Variants in HDDC2 observed in about 807,000 individuals in gnomAD.
The protein encoded by HDDC2 is 5'-deoxynucleotidase HDDC2.
In HDDC2, 25 loss-of-function variants were observed where a neutral mutation model predicts 25.5. The observed-to-expected ratio is 0.98, with a 90% confidence interval of 0.72 to 1.37. HDDC2 has a LOEUF of 1.37. Ranked by LOEUF, HDDC2 falls within the 40% of genes most tolerant of loss-of-function variation. The pLI, the probability that HDDC2 is intolerant of heterozygous loss-of-function variation, is 0.00. For synonymous variants in HDDC2, 106 were observed against 89.7 expected (o/e 1.18, Z -1.03); for missense variants, 264 against 253.1 (o/e 1.04, Z -0.29).
rs1319854438 is a variant in HDDC2, at chr6:125,301,868, C to A, written c.65G>T (p.Arg22Leu). ...GCTCACCTTGAGCTGCCCTACCAGC[C>A]GCAGGAACTGCAGTAGGGACCGAGC... ...HGARSLLQFL[R>L]LVGQLKRVPR... is the part of the protein sequence containing the mutation. The change falls in exon 1 of 6, where the codon CGG becomes CTG. Residue 22 changes from arginine (R) to leucine (L), a missense_variant. By Grantham distance (102) the Arg-to-Leu change is moderately radical (BLOSUM62 -2). Coordinates refer to ENST00000398153, the MANE Select transcript of HDDC2 (RefSeq NM_016063.3). The A allele has an allele frequency of 1.9e-5, 30 of 1,548,060 alleles. No individual in the cohort carries two copies. Among genetic ancestry groups the A allele is most frequent in the Non-Finnish European group, 2.4e-5 (28 of 1,148,018 alleles).
intron 2 of HDDC2, 130 bp from the exon 3 acceptor site, chr6:125,298,946 T>C: frequency 1.7e-6 from 1 of 584,880 alleles, no homozygotes; most frequent in Non-Finnish European, 2.9e-6. Context: ...TAATGTAGTA[T>C]TTTCTAAAGT....
At chr6:125,278,165 C>T (rs942383953) in intron 4 of HDDC2, 2 of 152,194 alleles carry the variant, frequency 1.3e-5, no homozygotes, top group African/African-American at 4.8e-5. Context: ...GTTTTTATTA[C>T]ACGCTTATTC....
At chr6:125,295,113 G>C (rs1166600687) in intron 3 of HDDC2, among the ~76,000 whole-genome samples, 1 of 152,182 alleles carries the variant, frequency 6.6e-6, no homozygotes, top group Non-Finnish European at 1.5e-5. Flanking sequence ...CTGAGGTCCA[G>C]GGTACACAGC....
At chr6:125,296,126 TAAA>T (rs563798273) in intron 3 of HDDC2, among the ~76,000 whole-genome samples, 78 of 150,178 alleles carry the variant, frequency 5.2e-4, no homozygotes, top group African/African-American at 1.9e-3. Flanking sequence ...AAAAAAAAAT[TAAA>T]AAAAAAGATA....
chr6:125,282,314 C>T (rs1037518334), intron 4 of HDDC2, among the ~76,000 whole-genome samples: 2 of 150,882 alleles, frequency 1.3e-5, no homozygotes, highest in African/African-American at 4.9e-5. Context: ...CCATTGCACT[C>T]CAGCCCAGGC....
At chr6:125,283,128 A>G (rs144389667) in intron 4 of HDDC2, among the ~76,000 whole-genome samples, 6,072 of 152,282 alleles carry the variant, frequency 0.04, 423 homozygotes, top group African/African-American at 0.14. Context: ...CTTCATGCTA[A>G]AGACTCTCAA....
chr6:125,276,280 T>C, intron 5 of HDDC2, 37 bp from the exon 6 acceptor site: 1 of 1,455,048 alleles, frequency 6.9e-7, no homozygotes, highest in South Asian at 1.1e-5. Context: ...TACATTCCCA[T>C]ATTGACAAGA....
intron 4 of HDDC2, among the ~76,000 whole-genome samples, chr6:125,281,390 T>C (rs1415059598): frequency 6.6e-6 from 1 of 152,118 alleles, no homozygotes; most frequent in African/African-American, 2.4e-5. Context: ...ATTCAGAAGG[T>C]GGGTAACAAC....
At chr6:125,281,817 A>T (rs1028757092) in intron 4 of HDDC2, among the ~76,000 whole-genome samples, 3 of 152,208 alleles carry the variant, frequency 2.0e-5, no homozygotes, top group Non-Finnish European at 4.4e-5. Flanking sequence ...CTAGCAAGAT[A>T]GGCCAGCATT....
intron 4 of HDDC2, among the ~76,000 whole-genome samples, chr6:125,290,714 C>A (rs1328142482): frequency 2.6e-5 from 4 of 152,236 alleles, no homozygotes; most frequent in Admixed American, 6.5e-5. Flanking sequence ...TAACCAAAAG[C>A]TAGAAAGAGG....
rs772700652 is a variant in HDDC2 at position 125,298,825 on chromosome 6, G to A, written c.207-9C>T. ...GGGCTAGGCGTACACATCTGATCAG[G>A]CAAGAAATGTCGAATAATTACACAG... is the stretch of plus-strand genomic sequence containing the variant. On this transcript the variant is annotated splice_polypyrimidine_tract_variant and intron_variant, in intron 2 of 5. Transcript: ENST00000398153. 1 of 1,593,886 alleles carries A rather than the reference G, an allele frequency of 6.3e-7. No homozygotes were observed. Among genetic ancestry groups the A allele is most frequent in the South Asian group, 1.1e-5 (1 of 90,674 alleles).
chr6:125,286,503 T>G (rs1265560884), intron 4 of HDDC2, among the ~76,000 whole-genome samples: 1 of 152,222 alleles, frequency 6.6e-6, no homozygotes, highest in Non-Finnish European at 1.5e-5. Context: ...GCATCTTCTC[T>G]GTACTACGTA....
intron 4 of HDDC2, among the ~76,000 whole-genome samples, chr6:125,288,392 G>T (rs1798576230): frequency 6.6e-6 from 1 of 152,188 alleles, no homozygotes; most frequent in African/African-American, 2.4e-5. Flanking sequence ...CCACGGCACA[G>T]AGTCTCTGAA....
intron 4 of HDDC2, among the ~76,000 whole-genome samples, chr6:125,288,112 A>G (rs1328523723): frequency 1.3e-5 from 2 of 152,216 alleles, no homozygotes; most frequent in East Asian, 3.9e-4. Flanking sequence ...GGGTTGGTGA[A>G]CATATTTGCA....
intron 4 of HDDC2, among the ~76,000 whole-genome samples, chr6:125,285,272 C>A (rs1415633895): frequency 6.6e-6 from 1 of 151,710 alleles, no homozygotes; most frequent in Non-Finnish European, 1.5e-5. Flanking sequence ...AGGTAACAAA[C>A]CTGCACGTTC....
chr6:125,296,353 T>C (rs1798705914), intron 3 of HDDC2, among the ~76,000 whole-genome samples: 1 of 152,098 alleles, frequency 6.6e-6, no homozygotes, highest in South Asian at 2.1e-4. Context: ...CACTGTATTT[T>C]TTCTCCCTCC....
At chr6:125,296,287 C>G (rs1320089747) in intron 3 of HDDC2, among the ~76,000 whole-genome samples, 1 of 152,034 alleles carries the variant, frequency 6.6e-6, no homozygotes, top group Non-Finnish European at 1.5e-5. Context: ...TCAGCATCTG[C>G]AGATTTGGTT....
At chr6:125,285,082 T>C (rs1172634091) in intron 4 of HDDC2, among the ~76,000 whole-genome samples, 1 of 150,034 alleles carries the variant, frequency 6.7e-6, no homozygotes, top group East Asian at 2.0e-4. Context: ...CCAACCACCA[T>C]ATGTTCTCAC....
At chr6:125,286,760 G>A (rs186100324) in intron 4 of HDDC2, among the ~76,000 whole-genome samples, 1 of 152,270 alleles carries the variant, frequency 6.6e-6, no homozygotes, top group Admixed American at 6.5e-5. Flanking sequence ...GGAACGCCCT[G>A]CCATTTCTGC....
Sources: gnomAD v4.1 joint callset for allele counts (sites outside exome capture counted in the v4.1 genomes callset) on GRCh38, gnomAD v4.1.1 for gene constraint, MANE v1.5 for transcripts, NCBI Gene and HGNC (gene_info 2026-07-23, HGNC 2026-07-21) for gene names.